Variants in PKD1L1 observed in about 807,000 individuals in gnomAD.
PKD1L1 encodes the protein polycystin 1 like 1, transient receptor potential channel interacting.
In PKD1L1, 236 loss-of-function variants were observed where a neutral mutation model predicts 323.4. The observed-to-expected ratio is 0.73, with a 90% CI of 0.66 to 0.81. The LOEUF (loss-of-function observed/expected upper bound fraction) is 0.81. Among genes scored for constraint, PKD1L1 ranks in the 40% least tolerant of loss-of-function variants. The pLI is 0.00. For missense variants in PKD1L1, 3,320 were observed against 3,508.0 expected (o/e 0.95, Z 1.35); for synonymous variants, 1,344 against 1,335.0 (o/e 1.01, Z -0.15).
chr7:47,931,003 C>A, intron 6 of PKD1L1, 101 bp downstream of exon 6: 4 of 1,221,488 alleles, frequency 3.3e-6, no homozygotes, highest in Non-Finnish European at 4.5e-6. Flanking sequence ...ATAATTAAAG[C>A]AAACAACGAA....
intron 56 of PKD1L1, among the ~76,000 whole-genome samples, chr7:47,786,968 T>C (rs1431842429): frequency 6.6e-6 from 1 of 152,182 alleles, no homozygotes; most frequent in Non-Finnish European, 1.5e-5. Flanking sequence ...ACTTTAAAAA[T>C]ACAAAGAACA....
intron 7 of PKD1L1, among the ~76,000 whole-genome samples, chr7:47,920,796 A>T (rs536104214): frequency 2.0e-4 from 31 of 152,296 alleles, no homozygotes; most frequent in Non-Finnish European, 3.8e-4. Flanking sequence ...TGGGGAATGG[A>T]CGCTCTTTTC....
intron 21 of PKD1L1, among the ~76,000 whole-genome samples, chr7:47,879,473 A>C (rs1786482560): frequency 6.6e-6 from 1 of 151,808 alleles, no homozygotes; most frequent in African/African-American, 2.4e-5. Context: ...CTCTACTAAA[A>C]ATACAAAAAA....
rs759416849 is a variant in PKD1L1 at position 47,839,493 on chromosome 7, C to A, written c.5722G>T (p.Val1908Leu). The A allele has an allele frequency of 9.9e-6, 16 of 1,612,522 alleles. No homozygotes were observed. The highest frequency in any genetic ancestry group is 3.3e-4 in the Middle Eastern group (2 of 6,060). Residue 1908 changes from valine (V) to leucine (L), a missense_variant, in exon 36 of 57, where the codon GTG becomes TTG. By Grantham distance (32) the Val-to-Leu change is conservative. Transcript: ENST00000289672. The surrounding 1 kb of genome is among the most constrained non-coding windows in gnomAD (Gnocchi z 4.3). ...WLSAGRHDGR[V>L]ERELTCLQGG... is the part of the protein sequence containing the mutation. Reference sequence around the variant, plus strand: ...TGCAGACAGGTGAGCTCCCGCTCCACGCGACCATCATGCCTGCCGGCAGAC... The same window carrying A: ...TGCAGACAGGTGAGCTCCCGCTCCAAGCGACCATCATGCCTGCCGGCAGAC...
chr7:47,804,514 C>T (rs1220957692), intron 52 of PKD1L1, among the ~76,000 whole-genome samples: 2 of 146,428 alleles, frequency 1.4e-5, no homozygotes, highest in South Asian at 2.1e-4. Flanking sequence ...ATCTGTTACC[C>T]AGGCTTGAGT....
chr7:47,783,110 T>C lies in PKD1L1; in HGVS notation c.8527-7944A>G, dbSNP rs145884369. 2.6e-3 allele frequency among the ~76,000 whole-genome samples: 390 copies of C among 152,264 alleles called. 6 individuals carry two copies. Among genetic ancestry groups the C allele is most frequent in the African/African-American group, 9.1e-3 (377 of 41,558 alleles). On this transcript the variant is annotated intron_variant, in intron 56 of 56. Coordinates refer to ENST00000289672, the MANE Select transcript of PKD1L1 (RefSeq NM_138295.5). ...CTGCGTTCTGTAACTTAGAAAGCCA[T>C]TGGGAGTATACATTGATAGCTATAT...
At position 47,905,944 on chromosome 7, in the gene PKD1L1, T is replaced by G; in HGVS notation, c.1421A>C (p.His474Pro). The change falls in exon 10 of 57, where the codon CAC becomes CCC. Residue 474 changes from histidine to proline, a missense_variant. Transcript: ENST00000289672. ...VNQKSTVVIH[H>P]FPSIPSYNVS... Reference sequence around the variant, plus strand: ...GTTATATGAAGGAATAGATGGAAAGTGATGTATAACCACAGTGCCTAAAAT... The same window carrying G: ...GTTATATGAAGGAATAGATGGAAAGGGATGTATAACCACAGTGCCTAAAAT... 1.9e-6 allele frequency: 3 copies of G among 1,608,694 alleles called. No individual in the cohort carries two copies. The highest frequency in any genetic ancestry group is 2.5e-6 in the Non-Finnish European group (3 of 1,178,344).
chr7:47,824,659 G>A (rs997756663), intron 45 of PKD1L1, among the ~76,000 whole-genome samples: 4 of 152,080 alleles, frequency 2.6e-5, no homozygotes, highest in Admixed American at 2.0e-4. Context: ...TAGGGTGAGC[G>A]GATCTACAGG....
chr7:47,865,275 G>T lies in PKD1L1; in HGVS notation c.4093-3C>A. ...AGAACAGAACCAATCATTTCTTCCT[G>T]ACCAGAAGAAACAACAATAAAACAA... is the stretch of plus-strand genomic sequence containing the variant. On this transcript the variant is annotated splice_polypyrimidine_tract_variant and splice_region_variant and intron_variant, in intron 25 of 56. Transcript: ENST00000289672. The T allele has an allele frequency of 1.2e-6, 2 of 1,612,202 alleles. No homozygotes were observed. The highest frequency in any genetic ancestry group is 2.2e-5 in the South Asian group (2 of 90,746).
chr7:47,852,999 G>C (rs915934315), intron 31 of PKD1L1, 128 bp downstream of exon 31: 3 of 700,590 alleles, frequency 4.3e-6, no homozygotes, highest in African/African-American at 1.8e-5. Flanking sequence ...TTGTTTATAA[G>C]CAAGCAGAGA....
chr7:47,905,687 G>C (rs1240209362), intron 10 of PKD1L1, among the ~76,000 whole-genome samples, 156 bp downstream of exon 10: 1 of 152,168 alleles, frequency 6.6e-6, no homozygotes, highest in African/African-American at 2.4e-5. Flanking sequence ...AAAATTCCCA[G>C]AACAAATGGC....
At chr7:47,861,709 C>T (rs1158800421) in intron 26 of PKD1L1, among the ~76,000 whole-genome samples, 4 of 151,804 alleles carry the variant, frequency 2.6e-5, no homozygotes, top group Admixed American at 6.6e-5. Context: ...AGTGAAATCC[C>T]GTCTCTACTA....
intron 50 of PKD1L1, among the ~76,000 whole-genome samples, chr7:47,810,544 C>T (rs1057314698): frequency 1.4e-5 from 2 of 146,862 alleles, no homozygotes; most frequent in Admixed American, 6.8e-5. Flanking sequence ...CTCCATTGCG[C>T]CCACACCAGC....
At chr7:47,777,090 C>T (rs1786584833) in intron 56 of PKD1L1, among the ~76,000 whole-genome samples, 1 of 152,118 alleles carries the variant, frequency 6.6e-6, no homozygotes, top group African/African-American at 2.4e-5. Context: ...TGGGGTTTTG[C>T]CATGTTGGCC....
intron 20 of PKD1L1, among the ~76,000 whole-genome samples, chr7:47,881,686 T>A (rs144231340): frequency 2.5e-3 from 378 of 152,310 alleles, no homozygotes; most frequent in African/African-American, 8.6e-3. Context: ...CCTCTTCCGC[T>A]TTGGTCTACA....
the PKD1L1 span, among the ~76,000 whole-genome samples, chr7:47,955,366 T>A: frequency 6.6e-6 from 1 of 152,226 alleles, no homozygotes; most frequent in Non-Finnish European, 1.5e-5. Flanking sequence ...TATTATTTAG[T>A]CCCTTAAAAA....
chr7:47,948,552 T>G, upstream of PKD1L1: 1 of 1,029,778 alleles, frequency 9.7e-7, no homozygotes, highest in Non-Finnish European at 1.5e-6. Context: ...ACTTGTGACC[T>G]CTTATCAGGA....
At chr7:47,854,003 TAGACTC>T (rs910061293) in intron 30 of PKD1L1, among the ~76,000 whole-genome samples, 9 of 152,230 alleles carry the variant, frequency 5.9e-5, no homozygotes, top group African/African-American at 1.7e-4. Flanking sequence ...TCTTAGTAGT[TAGACTC>T]AGAAATTCCT....
the PKD1L1 span, chr7:47,957,122 C>CA: frequency 6.2e-6 from 1 of 160,588 alleles, no homozygotes; most frequent in Non-Finnish European, 1.4e-5. Flanking sequence ...AAGGTAATTT[C>CA]AAAAAAAGTA....
Sources: allele counts gnomAD v4.1 joint callset (sites outside exome capture counted in the v4.1 genomes callset), GRCh38; gene constraint gnomAD v4.1.1; non-coding constraint Gnocchi (gnomAD v3.1); transcripts MANE v1.5; gene names NCBI Gene and HGNC (gene_info 2026-07-23, HGNC 2026-07-21).